Variants in SGMS1 observed in about 807,000 individuals in gnomAD.
SGMS1 encodes sphingomyelin synthase 1.
SGMS1 carries 13 observed loss-of-function variants against 46.2 expected under a neutral mutation model. That is an observed-to-expected ratio of 0.28 (90% CI 0.18 to 0.45). The LOEUF (loss-of-function observed/expected upper bound fraction) is 0.45. Among genes scored for constraint, SGMS1 ranks in the 20% least tolerant of loss-of-function variants. The pLI is 1.00. For missense variants in SGMS1, 324 were observed against 519.9 expected (o/e 0.62, Z 3.66); for synonymous variants, 203 against 187.8 (o/e 1.08, Z -0.66).
chr10:50,624,758 G>A (rs1304988438), upstream of SGMS1: 8 of 985,340 alleles, frequency 8.1e-6, no homozygotes, highest in Non-Finnish European at 8.4e-6. Context: ...GCCCAAGTTA[G>A]GATGGACAGC....
intron 6 of SGMS1, among the ~76,000 whole-genome samples, chr10:50,345,706 C>T (rs887540944): frequency 4.6e-5 from 7 of 152,136 alleles, no homozygotes; most frequent in African/African-American, 1.7e-4. Flanking sequence ...AAAGAATATG[C>T]TCATTGGAGC....
intron 3 of SGMS1, among the ~76,000 whole-genome samples, chr10:50,515,851 C>T (rs1205689302): frequency 1.3e-5 from 2 of 152,184 alleles, no homozygotes; most frequent in Non-Finnish European, 2.9e-5. Flanking sequence ...GGAAAAGCTA[C>T]ACAATTTTCT....
chr10:50,394,369 T>C (rs1848815050), intron 6 of SGMS1, among the ~76,000 whole-genome samples: 1 of 152,198 alleles, frequency 6.6e-6, no homozygotes, highest in Non-Finnish European at 1.5e-5. Flanking sequence ...GAAGTGGTAA[T>C]ACAGGGAATG....
intron 6 of SGMS1, among the ~76,000 whole-genome samples, chr10:50,398,834 T>G (rs1446476783): frequency 6.6e-6 from 1 of 152,068 alleles, no homozygotes; most frequent in East Asian, 1.9e-4. Context: ...GACAGTACCC[T>G]AATATAATAG....
At chr10:50,580,020 G>A (rs11006200) in intron 2 of SGMS1, among the ~76,000 whole-genome samples, 21,289 of 152,196 alleles carry the variant, frequency 0.14, 1,755 homozygotes, top group Non-Finnish European at 0.19. Context: ...TATGGTTAAA[G>A]TAGTGGTAAG....
intron 2 of SGMS1, among the ~76,000 whole-genome samples, chr10:50,537,099 G>A (rs1323915975): frequency 2.0e-5 from 3 of 152,154 alleles, no homozygotes; most frequent in Non-Finnish European, 4.4e-5. Flanking sequence ...AAGCTCCTTT[G>A]GCTGAATTTT....
intron 6 of SGMS1, among the ~76,000 whole-genome samples, chr10:50,403,226 T>C (rs1211372019): frequency 6.6e-6 from 1 of 151,908 alleles, no homozygotes; most frequent in Non-Finnish European, 1.5e-5. Flanking sequence ...AGACAGAAAA[T>C]TACGTAAATT....
chr10:50,540,796 G>A (rs1276033272), intron 2 of SGMS1, among the ~76,000 whole-genome samples: 1 of 152,162 alleles, frequency 6.6e-6, no homozygotes, highest in East Asian at 1.9e-4. Context: ...TCATGGAAAA[G>A]TTGAGTCCTG....
At chr10:50,619,887 A>C (rs536886607) in intron 1 of SGMS1, among the ~76,000 whole-genome samples, 1 of 152,304 alleles carries the variant, frequency 6.6e-6, no homozygotes, top group African/African-American at 2.4e-5. Flanking sequence ...GTTTAAAAAG[A>C]CACTGGTGCT....
chr10:50,598,193 T>C (rs1289739833), intron 1 of SGMS1, among the ~76,000 whole-genome samples: 1 of 151,054 alleles, frequency 6.6e-6, no homozygotes, highest in African/African-American at 2.4e-5. Context: ...ATGGGATTAG[T>C]GCCCTTATCA....
At chr10:50,523,112 C>T (rs1837870433) in intron 2 of SGMS1, among the ~76,000 whole-genome samples, 2 of 152,158 alleles carry the variant, frequency 1.3e-5, no homozygotes, top group African/African-American at 4.8e-5. Context: ...ATCACAGTTC[C>T]GGATGCCTGC....
chr10:50,308,159 G>C lies in SGMS1; in HGVS notation c.896-11C>G, dbSNP rs1039964328. 1 of 1,610,824 alleles carries C rather than the reference G, an allele frequency of 6.2e-7. No individual in the cohort carries two copies. Among genetic ancestry groups the C allele is most frequent in the East Asian group, 2.2e-5 (1 of 44,800 alleles). On this transcript the variant is annotated splice_polypyrimidine_tract_variant and intron_variant, in intron 9 of 10. Coordinates refer to ENST00000361781, the MANE Select transcript of SGMS1 (RefSeq NM_147156.4). ...GTCGCCGAGGGGAATCTGAAAGGGG[G>C]AGAGATTTGCAATAGTCCCATTATT...
chr10:50,318,778 G>A (rs80193855), intron 8 of SGMS1, among the ~76,000 whole-genome samples: 7 of 152,056 alleles, frequency 4.6e-5, no homozygotes, highest in Non-Finnish European at 1.0e-4. Context: ...CCCTTCACTC[G>A]GCTGTGAAGA....
intron 2 of SGMS1, among the ~76,000 whole-genome samples, chr10:50,568,849 G>T (rs1205692253): frequency 6.6e-6 from 1 of 152,148 alleles, no homozygotes; most frequent in East Asian, 1.9e-4. Flanking sequence ...TACAGACATA[G>T]TAAAGAGTGT....
intron 3 of SGMS1, among the ~76,000 whole-genome samples, chr10:50,501,231 C>T (rs183778680): frequency 2.0e-4 from 31 of 152,268 alleles, no homozygotes; most frequent in African/African-American, 7.5e-4. Flanking sequence ...CATTCTTTTC[C>T]AGCACACCAG....
At chr10:50,417,145 C>T (rs980443762) in intron 6 of SGMS1, among the ~76,000 whole-genome samples, 3 of 152,076 alleles carry the variant, frequency 2.0e-5, no homozygotes, top group South Asian at 2.1e-4. Flanking sequence ...TTGTGTATAT[C>T]CTCAGTCGTC....
chr10:50,437,086 A>G (rs147238419), intron 5 of SGMS1, among the ~76,000 whole-genome samples: 97 of 152,352 alleles, frequency 6.4e-4, no homozygotes, highest in African/African-American at 2.2e-3. Flanking sequence ...ACAATTTAAT[A>G]AAGTTCATGG....
chr10:50,540,577 G>T (rs1218887717), intron 2 of SGMS1, among the ~76,000 whole-genome samples: 1 of 152,136 alleles, frequency 6.6e-6, no homozygotes, highest in African/African-American at 2.4e-5. Context: ...TGAGATTTAA[G>T]GGGGAACTAA....
In SGMS1 at chr10:50,315,194, C is replaced by T. The variant is rs542152502; in HGVS notation, c.742-3779G>A. ...GTAAGTCTAGATTGTAAGCATATTC[C>T]TCTATTAAGAGAAAAAAACAGGAAA... On this transcript the variant is annotated intron_variant, in intron 8 of 10. Coordinates refer to ENST00000361781, the MANE Select transcript of SGMS1 (RefSeq NM_147156.4). Among the ~76,000 whole-genome samples, 3 of 152,216 alleles carry T rather than the reference C, an allele frequency of 2.0e-5. No homozygotes were observed. In the South Asian group the frequency reaches 6.2e-4, roughly 32 times the overall value.
Sources: gnomAD v4.1 joint callset for allele counts (sites outside exome capture counted in the v4.1 genomes callset) on GRCh38, gnomAD v4.1.1 for gene constraint, MANE v1.5 for transcripts, NCBI Gene and HGNC (gene_info 2026-07-23, HGNC 2026-07-21) for gene names.